The following FOXN3 variants were observed in gnomAD, a reference collection of about 807,000 sequenced individuals.
The protein encoded by FOXN3 is forkhead box N3.
In FOXN3, 7 loss-of-function variants were observed where a neutral mutation model predicts 38.4. The ratio of observed to expected loss-of-function variants is 0.18; its 90% CI spans 0.10 to 0.34. The LOEUF is 0.34. Ranked by LOEUF, FOXN3 falls within the 10% of genes least tolerant of loss-of-function variation. The pLI, the probability that FOXN3 is intolerant of heterozygous loss-of-function variation, is 1.00. For missense variants in FOXN3, 456 were observed against 613.4 expected, an observed-to-expected ratio of 0.74 and a Z score of 2.71; for synonymous variants, 230 against 242.2, an observed-to-expected ratio of 0.95 and a Z score of 0.47.
intron 1 of FOXN3, among the ~76,000 whole-genome samples, chr14:89,481,508 C>T (rs2139760856): frequency 6.6e-6 from 1 of 152,186 alleles, no homozygotes; most frequent in Middle Eastern, 3.4e-3. Flanking sequence ...GGGCCACTGT[C>T]AGGGAAGTGG....
chr14:89,245,124 G>A (rs1160544403), intron 4 of FOXN3, among the ~76,000 whole-genome samples: 1 of 152,212 alleles, frequency 6.6e-6, no homozygotes, highest in Non-Finnish European at 1.5e-5. Flanking sequence ...TTTGAAGGCA[G>A]CAGCAGGACT....
intron 2 of FOXN3, among the ~76,000 whole-genome samples, chr14:89,385,198 A>G (rs775101912): frequency 5.3e-5 from 8 of 152,172 alleles, no homozygotes; most frequent in African/African-American, 1.2e-4. Flanking sequence ...GGCAAGCCCT[A>G]TGAAAAGGAA....
chr14:89,301,842 G>A (rs1051420290), intron 3 of FOXN3, among the ~76,000 whole-genome samples: 2 of 152,064 alleles, frequency 1.3e-5, no homozygotes, highest in Non-Finnish European at 1.5e-5. Flanking sequence ...GGGCATCAGC[G>A]CCTTAACCAT....
chr14:89,167,093 G>A (rs1463600493), intron 5 of FOXN3, among the ~76,000 whole-genome samples: 1 of 152,132 alleles, frequency 6.6e-6, no homozygotes, highest in Non-Finnish European at 1.5e-5. Context: ...GATTTTACTG[G>A]GCCTCTAAAA....
chr14:89,362,495 C>T (rs1283244487), intron 2 of FOXN3, among the ~76,000 whole-genome samples: 1 of 1,114 alleles, frequency 9.0e-4, no homozygotes, highest in African/African-American at 1.0e-3. Context: ...ACCACCACCA[C>T]CATCTCCACC....
intron 2 of FOXN3, among the ~76,000 whole-genome samples, chr14:89,385,499 TAAAA>T (rs10681650): frequency 1.0e-4 from 11 of 108,814 alleles, no homozygotes; most frequent in Admixed American, 4.3e-4. Context: ...GGCAAACATT[TAAAA>T]AAAAAAAAAA....
At chr14:89,237,560 C>T (rs1187756082) in intron 4 of FOXN3, among the ~76,000 whole-genome samples, 5 of 152,204 alleles carry the variant, frequency 3.3e-5, no homozygotes, top group Admixed American at 3.3e-4. Flanking sequence ...TGATATTGCA[C>T]TACTGTTTTG....
chr14:89,324,435 AGTGTGTGCGTGTGTGT>A (rs1887982604), intron 3 of FOXN3, among the ~76,000 whole-genome samples: 1 of 123,478 alleles, frequency 8.1e-6, no homozygotes, highest in Non-Finnish European at 1.6e-5. Context: ...GAAACAGCTA[AGTGTGTGCGTGTGTGT>A]GTGTGTGTGT....
At chr14:89,463,211 C>A (rs1405638432) in intron 1 of FOXN3, among the ~76,000 whole-genome samples, 1 of 151,604 alleles carries the variant, frequency 6.6e-6, no homozygotes, top group African/African-American at 2.4e-5. Flanking sequence ...ATGGCATGAA[C>A]CCGGGAGGCA....
chr14:89,537,860 A>G (rs1180152858), intron 1 of FOXN3, among the ~76,000 whole-genome samples: 3 of 152,230 alleles, frequency 2.0e-5, no homozygotes, highest in South Asian at 2.1e-4. Context: ...TAAAGGAGGA[A>G]CAAGAGAGAA....
rs1481598251 is a variant in FOXN3, at chr14:89,409,811, C to T, written c.543+2123G>A. Among the ~76,000 whole-genome samples the T allele has an allele frequency of 2.0e-5, 3 of 152,084 alleles. No homozygotes were observed. In the East Asian group the frequency reaches 5.8e-4, roughly 29 times the overall value. ...CTAAGCTCAAAGAATAATCTTAAAG[C>T]ACTCAAAAAAAGCCAAGTCCAGAGG... On this transcript the variant is annotated intron_variant, in intron 2 of 5. Transcript: ENST00000557258.
chr14:89,305,075 A>C (rs1464879292), intron 3 of FOXN3, among the ~76,000 whole-genome samples: 1 of 152,112 alleles, frequency 6.6e-6, no homozygotes. Flanking sequence ...AAGTTGTCCT[A>C]GAAAACTTAC....
chr14:89,395,606 CTA>C (rs1162401273), intron 2 of FOXN3, among the ~76,000 whole-genome samples: 1 of 152,150 alleles, frequency 6.6e-6, no homozygotes, highest in African/African-American at 2.4e-5. Flanking sequence ...TGGACAGAAA[CTA>C]TACCTTCATC....
intron 3 of FOXN3, among the ~76,000 whole-genome samples, chr14:89,322,908 C>T (rs190952183): frequency 2.0e-5 from 3 of 152,278 alleles, no homozygotes; most frequent in Admixed American, 2.0e-4. Context: ...AAAGTCCCCG[C>T]TCTCAAGGAA....
intron 3 of FOXN3, among the ~76,000 whole-genome samples, chr14:89,281,246 T>C (rs1886453116): frequency 6.6e-6 from 1 of 152,204 alleles, no homozygotes; most frequent in Admixed American, 6.5e-5. Flanking sequence ...TGCTCACACC[T>C]GGGCACTGGA....
chr14:89,332,037 T>C (rs933126263), intron 3 of FOXN3, among the ~76,000 whole-genome samples: 2 of 152,234 alleles, frequency 1.3e-5, no homozygotes, highest in Admixed American at 6.5e-5. Flanking sequence ...CCCAAACTTA[T>C]TGACCACGGG....
At position 89,300,973 on chromosome 14, in the gene FOXN3, T is replaced by C. The variant is rs190607776; in HGVS notation, c.681-19959A>G. On this transcript the variant is annotated intron_variant, in intron 3 of 5. Coordinates refer to ENST00000557258, the MANE Select transcript of FOXN3 (RefSeq NM_005197.4). Reference sequence around the variant, plus strand: ...CCCCATGCCCGGCTAATTTTTTTGCTTTTTTTTTTAGTAGAGACGGGGTTT... The same window carrying C: ...CCCCATGCCCGGCTAATTTTTTTGCCTTTTTTTTTAGTAGAGACGGGGTTT... Among the ~76,000 whole-genome samples the C allele has an allele frequency of 3.9e-4, 57 of 146,308 alleles. No homozygotes were observed. In the East Asian group the frequency reaches 0.011, roughly 27 times the overall value.
At chr14:89,289,841 A>G (rs1425423521) in intron 3 of FOXN3, among the ~76,000 whole-genome samples, 1 of 152,176 alleles carries the variant, frequency 6.6e-6, no homozygotes. Flanking sequence ...AAAGATAAAA[A>G]TGTACATCTT....
chr14:89,472,447 G>A (rs56119243), intron 1 of FOXN3, among the ~76,000 whole-genome samples: 49,773 of 151,768 alleles, frequency 0.33, 8,380 homozygotes, highest in East Asian at 0.46. Context: ...CAGGCCGGGC[G>A]CGGTGGCTCA....
Sources: gnomAD v4.1 joint callset for allele counts (sites outside exome capture counted in the v4.1 genomes callset) on GRCh38, gnomAD v4.1.1 for gene constraint, MANE v1.5 for transcripts, NCBI Gene and HGNC (gene_info 2026-07-23, HGNC 2026-07-21) for gene names.